MALRD1: variants seen among roughly 807,000 people sequenced by gnomAD.
MALRD1 encodes MAM and LDL-receptor class A domain-containing protein 1.
In MALRD1, 247 loss-of-function variants were observed where a neutral mutation model predicts 242.1. The observed-to-expected ratio is 1.02, with a 90% CI of 0.92 to 1.13. The LOEUF is 1.13. Ranked by LOEUF, MALRD1 falls within the 50% of genes most tolerant of loss-of-function variation. MALRD1 has a pLI of 0.00. For synonymous variants in MALRD1, 995 were observed against 866.6 expected (o/e 1.15, Z -2.60); for missense variants, 2,989 against 2,533.1 (o/e 1.18, Z -3.86).
Position 19,615,933 on chromosome 10 carries a change from AT to A in MALRD1, c.6137+12del. On this transcript the variant is annotated intron_variant, in intron 36 of 39. Transcript: ENST00000454679. ...ATGGTCCTATGTGTCGGTAAGAAGC[AT>A]TGTTTAATTTTTTTTTTTAAGATTT... 6.7e-7 allele frequency: 1 copy of A among 1,492,506 alleles called. No homozygotes were observed. Among genetic ancestry groups the A allele is most frequent in the Non-Finnish European group, 8.9e-7 (1 of 1,126,662 alleles). 92.5% of individuals were successfully genotyped at this position (1,492,506 alleles called of 1,614,324 possible). A position where few individuals can be genotyped will look rare whatever the true frequency, so the allele number is the denominator to read the frequency against.
chr10:19,706,458 C>T (rs187273355), intron 38 of MALRD1, among the ~76,000 whole-genome samples: 84 of 152,216 alleles, frequency 5.5e-4, no homozygotes, highest in Middle Eastern at 3.4e-3. Flanking sequence ...TCTCCTGCCT[C>T]AGTCTCCCCA....
At chr10:19,392,804 G>A (rs1846394416) in intron 28 of MALRD1, among the ~76,000 whole-genome samples, 1 of 152,170 alleles carries the variant, frequency 6.6e-6, no homozygotes, top group African/African-American at 2.4e-5. Context: ...TGTAGTTAAA[G>A]TTTTTTGAAC....
intron 19 of MALRD1, among the ~76,000 whole-genome samples, chr10:19,263,424 T>G (rs757040735): frequency 2.0e-5 from 3 of 152,178 alleles, no homozygotes; most frequent in Admixed American, 6.5e-5. Flanking sequence ...ATACCTGTTG[T>G]CTATGTCTTC....
chr10:19,153,808 G>C (rs1834029723), intron 11 of MALRD1, among the ~76,000 whole-genome samples: 1 of 151,998 alleles, frequency 6.6e-6, no homozygotes, highest in Non-Finnish European at 1.5e-5. Flanking sequence ...GATTTATTCA[G>C]GCCTTTTGCT....
At chr10:19,619,248 C>T (rs1372482293) in intron 36 of MALRD1, among the ~76,000 whole-genome samples, 3 of 152,012 alleles carry the variant, frequency 2.0e-5, no homozygotes, top group African/African-American at 4.8e-5. Context: ...TTAGATCCAA[C>T]ATAGGTGATG....
chr10:19,720,343 C>G (rs983173528), intron 38 of MALRD1, among the ~76,000 whole-genome samples: 4 of 152,236 alleles, frequency 2.6e-5, no homozygotes, highest in Middle Eastern at 3.4e-3. Context: ...TAGTGTAACC[C>G]TTTGCTGATT....
At chr10:19,530,381 A>ATATAATCT (rs1431759440) in intron 31 of MALRD1, among the ~76,000 whole-genome samples, 1 of 90,284 alleles carries the variant, frequency 1.1e-5, no homozygotes, top group Non-Finnish European at 2.0e-5. Flanking sequence ...TTATATAAAT[A>ATATAATCT]TTATATATTT....
At chr10:19,256,500 T>A (rs2131804454) in intron 18 of MALRD1, among the ~76,000 whole-genome samples, 1 of 152,168 alleles carries the variant, frequency 6.6e-6, no homozygotes, top group South Asian at 2.1e-4. Flanking sequence ...TTGGAGAGAC[T>A]CATTGTAAAA....
intron 5 of MALRD1, among the ~76,000 whole-genome samples, chr10:19,116,810 T>C (rs923477796): frequency 6.6e-6 from 1 of 152,034 alleles, no homozygotes; most frequent in African/African-American, 2.4e-5. Flanking sequence ...GAAAAAGAGT[T>C]GGGCACAGTG....
chr10:19,530,404 T>TATAAATACATA (rs1564417318), intron 31 of MALRD1, among the ~76,000 whole-genome samples: 1 of 19,280 alleles, frequency 5.2e-5, no homozygotes, highest in Non-Finnish European at 1.1e-4. Context: ...ATAAATATTA[T>TATAAATACATA]ATATTTATAT....
chr10:19,183,718 C>T (rs780033086), intron 14 of MALRD1, among the ~76,000 whole-genome samples: 2 of 152,028 alleles, frequency 1.3e-5, no homozygotes, highest in African/African-American at 4.8e-5. Flanking sequence ...TAAATTGCAA[C>T]CAATTTTGGT....
chr10:19,204,296 T>TTA lies in MALRD1; in HGVS notation c.2105-10_2105-9dup. ...TTAATGAAGCGTTTTTTTTTTTTTT[T>TTA]TATCTCAACAGGGCATTTTATGTTC... On this transcript the variant is annotated splice_polypyrimidine_tract_variant and intron_variant, in intron 15 of 39. Transcript: ENST00000454679. 1 of 1,491,918 alleles carries TTA rather than the reference T, an allele frequency of 6.7e-7. No homozygotes were observed. Among genetic ancestry groups the TTA allele is most frequent in the Non-Finnish European group, 9.0e-7 (1 of 1,117,010 alleles). The allele number at this position is 1,491,918 out of a possible 1,614,324, so 92.4% of individuals were successfully genotyped here. A position where few individuals can be genotyped will look rare whatever the true frequency, so the allele number is the denominator to read the frequency against.
intron 31 of MALRD1, among the ~76,000 whole-genome samples, chr10:19,505,038 A>G (rs943337103): frequency 2.0e-5 from 3 of 152,110 alleles, no homozygotes; most frequent in African/African-American, 7.2e-5. Flanking sequence ...AGGCATTCCA[A>G]GAAAAAGAAG....
intron 36 of MALRD1, among the ~76,000 whole-genome samples, chr10:19,665,575 C>G (rs567206647): frequency 6.6e-6 from 1 of 152,084 alleles, no homozygotes; most frequent in South Asian, 2.1e-4. Context: ...GGTGACATAA[C>G]TCAGATCCCC....
At chr10:19,222,047 C>A (rs1401879862) in intron 18 of MALRD1, among the ~76,000 whole-genome samples, 1 of 151,990 alleles carries the variant, frequency 6.6e-6, no homozygotes, top group African/African-American at 2.4e-5. Flanking sequence ...CAGTCCGTGG[C>A]CAGTTTTGAA....
At chr10:19,732,810 C>T (rs1176355371) in intron 39 of MALRD1, among the ~76,000 whole-genome samples, 1 of 152,098 alleles carries the variant, frequency 6.6e-6, no homozygotes, top group Admixed American at 6.5e-5. Flanking sequence ...CATCAAAGAC[C>T]CACCTTTCAA....
rs1836696603 is a variant in MALRD1, at chr10:19,204,361, C to T, written c.2158C>T (p.Leu720Phe). 1 of 1,545,290 alleles carries T rather than the reference C, an allele frequency of 6.5e-7. No individual in the cohort carries two copies. The highest frequency in any genetic ancestry group is 8.7e-7 in the Non-Finnish European group (1 of 1,145,120). The part of the protein sequence containing the change: ...KSSSLWQVAK[L>F]QSPTFSQTGP... ...CAGCAGCTTGTGGCAAGTTGCTAAGCTTCAGAGCCCAACTTTCAGCCAGAC... is the reference window on the plus strand; with the variant it reads ...CAGCAGCTTGTGGCAAGTTGCTAAGTTTCAGAGCCCAACTTTCAGCCAGAC... Residue 720 changes from leucine (L) to phenylalanine (F), a missense_variant, in exon 16 of 40, where the codon CTT (leucine) becomes TTT (phenylalanine). By Grantham distance (22) the Leu-to-Phe change is conservative. Coordinates refer to ENST00000454679, the MANE Select transcript of MALRD1 (RefSeq NM_001142308.3).
chr10:19,548,255 G>T (rs567956872), intron 32 of MALRD1, among the ~76,000 whole-genome samples: 2 of 151,570 alleles, frequency 1.3e-5, no homozygotes, highest in Non-Finnish European at 2.9e-5. Context: ...CCCCTCTGCC[G>T]CCCAAAGTTC....
At chr10:19,728,124 A>T (rs1031902843) in intron 38 of MALRD1, among the ~76,000 whole-genome samples, 4 of 152,180 alleles carry the variant, frequency 2.6e-5, no homozygotes, top group Non-Finnish European at 5.9e-5. Flanking sequence ...GGAAAAATAA[A>T]AGCAATTTGA....
Sources: allele counts gnomAD v4.1 joint callset (sites outside exome capture counted in the v4.1 genomes callset), GRCh38; gene constraint gnomAD v4.1.1; transcripts MANE v1.5; gene names NCBI Gene and HGNC (gene_info 2026-07-23, HGNC 2026-07-21).